ASAP1: variants seen among roughly 807,000 people sequenced by gnomAD.
The protein encoded by ASAP1 is ArfGAP with SH3 domain, ankyrin repeat and PH domain 1, also known as arf-GAP with SH3 domain, ANK repeat and PH domain-containing protein 1.
A neutral mutation model predicts 145.2 loss-of-function variants in ASAP1; 43 were observed. The ratio of observed to expected loss-of-function variants is 0.30; its 90% CI spans 0.23 to 0.38. The LOEUF (loss-of-function observed/expected upper bound fraction) is 0.38, where lower values mean the gene tolerates loss of function less well. ASAP1 is among the 10% of genes least tolerant of loss of function. The pLI is 1.00. For synonymous variants in ASAP1, 546 were observed against 515.5 expected (o/e 1.06, Z -0.80); for missense variants, 1,018 against 1,355.3 (o/e 0.75, Z 3.91).
intron 3 of ASAP1, among the ~76,000 whole-genome samples, chr8:130,272,349 G>C (rs934006882): frequency 5.3e-5 from 8 of 152,108 alleles, no homozygotes; most frequent in Admixed American, 4.6e-4. Flanking sequence ...AAACCCCTAT[G>C]TTGGCGAGGA....
At chr8:130,414,399 A>G (rs1488924372) in intron 1 of ASAP1, among the ~76,000 whole-genome samples, 2 of 152,262 alleles carry the variant, frequency 1.3e-5, no homozygotes, top group Non-Finnish European at 2.9e-5. Flanking sequence ...GGTGCAGAGA[A>G]GCAGAAGGAA....
chr8:130,145,474 C>T (rs1418723176), intron 13 of ASAP1, among the ~76,000 whole-genome samples: 2 of 152,084 alleles, frequency 1.3e-5, no homozygotes, highest in African/African-American at 4.8e-5. Context: ...CGCGCCACCA[C>T]ACCCGGCTAC....
intron 3 of ASAP1, among the ~76,000 whole-genome samples, chr8:130,350,330 T>A (rs1825924699): frequency 6.6e-6 from 1 of 152,102 alleles, no homozygotes; most frequent in African/African-American, 2.4e-5. Context: ...AGCCCTGAAT[T>A]CAAATCCCTG....
intron 1 of ASAP1, among the ~76,000 whole-genome samples, chr8:130,426,125 C>T (rs570313550): frequency 6.1e-4 from 93 of 152,234 alleles, no homozygotes; most frequent in African/African-American, 2.1e-3. Flanking sequence ...AATGGTTTAG[C>T]ACCATCCCCC....
Position 130,443,524 on chromosome 8 carries a change from G to T in ASAP1, c.-92C>A, listed in dbSNP as rs113555674. ...TTCGGCCGGGCGCTCGCGGCTCTCG[G>T]GTGGGAAAGCGAACTGCGACCGGGA... On this transcript the variant is annotated 5_prime_UTR_variant, in exon 1 of 30. Transcript: ENST00000518721. 8.3e-3 allele frequency: 1,260 copies of T among 151,060 alleles called. 21 individuals carry two copies. Among genetic ancestry groups the T allele is most frequent in the African/African-American group, 0.029 (1,192 of 41,422 alleles). The allele number at this position is 151,060 out of a possible 1,614,324, so 9.4% of individuals were successfully genotyped here.
At position 130,130,873 on chromosome 8, in the gene ASAP1, T is replaced by A. The variant is rs868842984; in HGVS notation, c.1218-2783A>T. Among the ~76,000 whole-genome samples the A allele has an allele frequency of 7.8e-4, 115 of 147,380 alleles. 1 individual carries two copies. The highest frequency in any genetic ancestry group is 1.8e-3 in the East Asian group (9 of 5,026). ...AGCCTGGGCAACATAGATCTCATTT[T>A]AAAAAAAAAAGCCACGCTCACGCCT... On this transcript the variant is annotated intron_variant, in intron 15 of 29. Transcript: ENST00000518721.
intron 1 of ASAP1, among the ~76,000 whole-genome samples, chr8:130,410,952 C>G (rs1829240818): frequency 6.6e-6 from 1 of 152,188 alleles, no homozygotes; most frequent in African/African-American, 2.4e-5. Context: ...CCTCCGTCTC[C>G]CGGGTTCAAG....
intron 3 of ASAP1, among the ~76,000 whole-genome samples, chr8:130,307,671 T>G (rs993740789): frequency 1.9e-4 from 29 of 152,340 alleles, no homozygotes; most frequent in African/African-American, 6.7e-4. Context: ...AGTGATCATC[T>G]AACAGCTTGG....
chr8:130,173,684 C>A (rs923749059), intron 9 of ASAP1, among the ~76,000 whole-genome samples: 4 of 151,680 alleles, frequency 2.6e-5, no homozygotes, highest in Admixed American at 2.0e-4. Flanking sequence ...GGGTGGATCG[C>A]TTGAACCCAG....
intron 3 of ASAP1, among the ~76,000 whole-genome samples, chr8:130,283,921 T>C (rs777798564): frequency 6.6e-6 from 1 of 152,190 alleles, no homozygotes; most frequent in African/African-American, 2.4e-5. Context: ...ACTCATCAGA[T>C]GTAGGAAATC....
At chr8:130,432,583 G>T (rs1378462249) in intron 1 of ASAP1, among the ~76,000 whole-genome samples, 1 of 152,090 alleles carries the variant, frequency 6.6e-6, no homozygotes, top group Non-Finnish European at 1.5e-5. Context: ...AAAGGTAGGT[G>T]CTTGGTGTCT....
chr8:130,136,997 T>C lies in ASAP1; in HGVS notation c.1122A>G (p.Gln374=). Residue 374 remains glutamine (Q), a synonymous_variant, in exon 14 of 30, where the codon CAA becomes CAG. Coordinates refer to ENST00000518721, the MANE Select transcript of ASAP1 (RefSeq NM_018482.4). The part of the protein sequence containing the change: ...QPAKLNLLTC[Q]VKPNAEDKKS... ...TTTTGTCTTCGGCATTAGGTTTTACTTGGCAGGTGAGAAGGTTCAACTTGG... is the reference window on the plus strand; with the variant it reads ...TTTTGTCTTCGGCATTAGGTTTTACCTGGCAGGTGAGAAGGTTCAACTTGG... 1 of 1,614,254 alleles carries C rather than the reference T, an allele frequency of 6.2e-7. No individual in the cohort carries two copies. Among genetic ancestry groups the C allele is most frequent in the Non-Finnish European group, 8.5e-7 (1 of 1,180,038 alleles).
chr8:130,268,490 A>AACAAACAC, intron 3 of ASAP1, among the ~76,000 whole-genome samples: 1 of 133,194 alleles, frequency 7.5e-6, no homozygotes, highest in Admixed American at 7.7e-5. Flanking sequence ...CCCGTCTTAA[A>AACAAACAC]ACACACACAC....
chr8:130,322,394 T>C (rs953657464), intron 3 of ASAP1, among the ~76,000 whole-genome samples: 15 of 152,164 alleles, frequency 9.9e-5, no homozygotes, highest in African/African-American at 3.6e-4. Flanking sequence ...TCTGCTGAAA[T>C]CAGGTGTCTT....
At chr8:130,085,735 T>TAAAAAAAAAA (rs376786284) in intron 25 of ASAP1, among the ~76,000 whole-genome samples, 2 of 125,310 alleles carry the variant, frequency 1.6e-5, no homozygotes, top group Non-Finnish European at 1.6e-5. Context: ...ACGTTGTCTT[T>TAAAAAAAAAA]AAGAAAAAAA....
chr8:130,103,438 T>C (rs1335327461), intron 24 of ASAP1, among the ~76,000 whole-genome samples: 1 of 152,318 alleles, frequency 6.6e-6, no homozygotes, highest in Admixed American at 6.5e-5. Flanking sequence ...TTTACTAATT[T>C]TGGATTTGGT....
chr8:130,055,535 TAAA>T (rs5895033), intron 29 of ASAP1, among the ~76,000 whole-genome samples: 13 of 121,528 alleles, frequency 1.1e-4, no homozygotes, highest in African/African-American at 9.4e-5. Flanking sequence ...TTCTAGCCAG[TAAA>T]AAAAAAAAAA....
chr8:130,393,767 G>C (rs551099698), intron 2 of ASAP1, among the ~76,000 whole-genome samples: 2 of 152,244 alleles, frequency 1.3e-5, no homozygotes, highest in South Asian at 4.1e-4. Flanking sequence ...CGGGAAGTCA[G>C]GGACCCCAAA....
intron 18 of ASAP1, chr8:130,118,880 T>C (rs2097560835): frequency 3.3e-6 from 1 of 307,268 alleles, no homozygotes; most frequent in East Asian, 5.2e-5. Flanking sequence ...ATACAAGTAA[T>C]AGATATAGTT....
Sources: allele counts gnomAD v4.1 joint callset (sites outside exome capture counted in the v4.1 genomes callset), GRCh38; gene constraint gnomAD v4.1.1; transcripts MANE v1.5; gene names NCBI Gene and HGNC (gene_info 2026-07-23, HGNC 2026-07-21).